ASAP2: variants seen among roughly 807,000 people sequenced by gnomAD.
ASAP2 encodes the protein ArfGAP with SH3 domain, ankyrin repeat and PH domain 2.
A neutral mutation model predicts 131.4 loss-of-function variants in ASAP2; 45 were observed. The ratio of observed to expected loss-of-function variants is 0.34; its 90% CI spans 0.27 to 0.44. The LOEUF is 0.44. Ranked by LOEUF, ASAP2 falls within the 20% of genes least tolerant of loss-of-function variation. The pLI is 1.00. For missense variants in ASAP2, 1,011 were observed against 1,297.0 expected (o/e 0.78, Z 3.39); for synonymous variants, 510 against 503.0 (o/e 1.01, Z -0.19).
rs184954004 is a variant in ASAP2, at chr2:9,247,903, C to A, written c.127-31414C>A. ...TTTCCCGCTCTCCTCCTCTGCCCCC[C>A]ACACTGATAACCTCTTTATGATGTA... On this transcript the variant is annotated intron_variant, in intron 1 of 27. Coordinates refer to ENST00000281419, the MANE Select transcript of ASAP2 (RefSeq NM_003887.3). 2.2e-4 allele frequency among the ~76,000 whole-genome samples: 34 copies of A among 152,336 alleles called. No homozygotes were observed. The East Asian group carries it at 6.2e-3, about 28-fold the overall frequency.
rs770617653 is a variant in ASAP2, at chr2:9,393,479, C to T, written c.2519-3C>T. On this transcript the variant is annotated splice_region_variant and splice_polypyrimidine_tract_variant and intron_variant, in intron 23 of 27. Coordinates refer to ENST00000281419, the MANE Select transcript of ASAP2 (RefSeq NM_003887.3). ...TCTGCACGTCTCTCCCTGTCCTCCGCAGATCCCCTGACCCCCACGCCGCCC... is the reference window on the plus strand; with the variant it reads ...TCTGCACGTCTCTCCCTGTCCTCCGTAGATCCCCTGACCCCCACGCCGCCC... The T allele has an allele frequency of 6.9e-6, 11 of 1,603,972 alleles. No individual in the cohort carries two copies. The highest frequency in any genetic ancestry group is 9.4e-6 in the Non-Finnish European group (11 of 1,175,514).
Position 9,350,861 on chromosome 2 carries a change from C to T in ASAP2, c.1077C>T (p.Asn359=). ...TGCTAACCTGCCAGGTGAAGACCAA[C>T]CCTGAGGAGAAGAAGTGCTTTGACC... ...LNLLTCQVKT[N]PEEKKCFDLI... is the part of the protein sequence containing the mutation. The change falls in exon 12 of 28, where the codon AAC becomes AAT. Residue 359 remains asparagine (N), a synonymous_variant. Transcript: ENST00000281419. The T allele has an allele frequency of 6.2e-7, 1 of 1,613,450 alleles. No homozygotes were observed.
intron 3 of ASAP2, among the ~76,000 whole-genome samples, chr2:9,303,977 G>A (rs150919117): frequency 6.8e-4 from 104 of 152,302 alleles, no homozygotes; most frequent in Non-Finnish European, 1.1e-3. Flanking sequence ...TGTATGGGGC[G>A]GTGACCTCTG....
chr2:9,356,139 G>T (rs1672682982), intron 13 of ASAP2, 40 bp from the exon 14 acceptor site: 2 of 1,614,056 alleles, frequency 1.2e-6, no homozygotes, highest in African/African-American at 1.3e-5. Flanking sequence ...CTCAGCCGTT[G>T]TTTGTGGAAT....
chr2:9,304,491 G>C (rs73915712), intron 3 of ASAP2, among the ~76,000 whole-genome samples: 5,129 of 139,820 alleles, frequency 0.037, 375 homozygotes, highest in African/African-American at 0.13. Flanking sequence ...GGGGCTGTAG[G>C]GGGGGTGTAG....
chr2:9,293,062 A>G (rs530928576), intron 2 of ASAP2, among the ~76,000 whole-genome samples: 11 of 152,186 alleles, frequency 7.2e-5, no homozygotes, highest in Non-Finnish European at 1.5e-4. Flanking sequence ...TGCTGAAACA[A>G]TTTGCACTGG....
intron 1 of ASAP2, among the ~76,000 whole-genome samples, chr2:9,255,984 C>T (rs1665130589): frequency 6.6e-6 from 1 of 151,976 alleles, no homozygotes; most frequent in Non-Finnish European, 1.5e-5. Flanking sequence ...ACAGTACCTC[C>T]AGTGATCTGG....
At chr2:9,385,934 A>G (rs1249858868) in intron 21 of ASAP2, among the ~76,000 whole-genome samples, 1 of 152,238 alleles carries the variant, frequency 6.6e-6, no homozygotes, top group Non-Finnish European at 1.5e-5. Flanking sequence ...TCACTGCTTC[A>G]TACGCAGGGG....
chr2:9,367,083 T>C (rs1193460095), intron 15 of ASAP2, among the ~76,000 whole-genome samples: 1 of 146,000 alleles, frequency 6.8e-6, no homozygotes, highest in East Asian at 2.0e-4. Context: ...CAGGCTGGAG[T>C]CCAGTGGTGT....
At chr2:9,236,541 AATT>A (rs1663565178) in intron 1 of ASAP2, among the ~76,000 whole-genome samples, 2 of 152,182 alleles carry the variant, frequency 1.3e-5, no homozygotes, top group Admixed American at 1.3e-4. Flanking sequence ...GCTTGAACTT[AATT>A]TAGTTTTATA....
chr2:9,393,843 A>G (rs984410784), intron 24 of ASAP2, among the ~76,000 whole-genome samples, 196 bp downstream of exon 24: 5 of 152,236 alleles, frequency 3.3e-5, no homozygotes, highest in Non-Finnish European at 5.9e-5. Context: ...ACAAATGTAC[A>G]TTTTAAGTCC....
At position 9,403,508 on chromosome 2, in the gene ASAP2, T is replaced by C. The variant is rs1676928751; in HGVS notation, c.*181T>C. The C allele has an allele frequency of 3.5e-6, 2 of 572,104 alleles. No individual in the cohort carries two copies. The highest frequency in any genetic ancestry group is 6.0e-6 in the Non-Finnish European group (2 of 330,706). The allele number at this position is 572,104 out of a possible 1,614,324, so 35.4% of individuals were successfully genotyped here. ...TATCAGTAATTGTTTTTATAATTTGTGGTTTTCATGAAACATTGCTATGCA... is the reference window on the plus strand; with the variant it reads ...TATCAGTAATTGTTTTTATAATTTGCGGTTTTCATGAAACATTGCTATGCA... On this transcript the variant is annotated 3_prime_UTR_variant, in exon 28 of 28. Coordinates refer to ENST00000281419, the MANE Select transcript of ASAP2 (RefSeq NM_003887.3).
At chr2:9,214,215 C>T (rs534242503) in intron 1 of ASAP2, among the ~76,000 whole-genome samples, 1 of 152,254 alleles carries the variant, frequency 6.6e-6, no homozygotes, top group Admixed American at 6.5e-5. Flanking sequence ...AGGGCCCTTC[C>T]AGGTACTTTT....
chr2:9,228,984 G>T (rs1023928472), intron 1 of ASAP2, among the ~76,000 whole-genome samples: 2 of 152,108 alleles, frequency 1.3e-5, no homozygotes, highest in African/African-American at 4.8e-5. Flanking sequence ...TCTCAGGAGG[G>T]AGTGCTGCCG....
At chr2:9,397,750 A>ATATATAT (rs1343127000) in intron 24 of ASAP2, among the ~76,000 whole-genome samples, 7 of 44,812 alleles carry the variant, frequency 1.6e-4, no homozygotes, top group African/African-American at 1.0e-3. Context: ...ATATATATAT[A>ATATATAT]TTTTTTTTTT....
chr2:9,211,924 C>G (rs904977161), intron 1 of ASAP2, among the ~76,000 whole-genome samples: 3 of 152,182 alleles, frequency 2.0e-5, no homozygotes, highest in Admixed American at 6.5e-5. Flanking sequence ...TGGAAGTGAG[C>G]CTTGATGGGT....
chr2:9,299,763 G>A (rs1668368219), intron 3 of ASAP2, among the ~76,000 whole-genome samples: 1 of 152,330 alleles, frequency 6.6e-6, no homozygotes, highest in East Asian at 1.9e-4. Flanking sequence ...GACCTGGATT[G>A]TCTCAGCTGT....
chr2:9,392,793 C>T lies in ASAP2; in HGVS notation c.2519-689C>T, dbSNP rs1263741693. On this transcript the variant is annotated intron_variant, in intron 23 of 27. Transcript: ENST00000281419. The surrounding 1 kb of genome is among the most constrained non-coding windows in gnomAD (Gnocchi z 4.0). ...GCCTTATGTGTTACCCATCCTGAGG[C>T]CCAGTATGATAAGCCCGACATTTAG... is the stretch of plus-strand genomic sequence containing the variant. 6.6e-6 allele frequency among the ~76,000 whole-genome samples: 1 copy of T among 152,122 alleles called. No individual in the cohort carries two copies. Among genetic ancestry groups the T allele is most frequent in the East Asian group, 1.9e-4 (1 of 5,190 alleles).
intron 11 of ASAP2, among the ~76,000 whole-genome samples, 194 bp downstream of exon 11, chr2:9,344,994 T>G (rs1187746730): frequency 6.6e-6 from 1 of 151,794 alleles, no homozygotes. Context: ...GTTTATGTTT[T>G]TTTTTTTTTA....
Sources: allele counts gnomAD v4.1 joint callset (sites outside exome capture counted in the v4.1 genomes callset), GRCh38; gene constraint gnomAD v4.1.1; non-coding constraint Gnocchi (gnomAD v3.1); transcripts MANE v1.5; gene names NCBI Gene and HGNC (gene_info 2026-07-23, HGNC 2026-07-21).